ADCY8: variants seen among roughly 807,000 people sequenced by gnomAD.
The protein encoded by ADCY8 is adenylate cyclase type 8.
In ADCY8, 51 loss-of-function variants were observed where a neutral mutation model predicts 119.7. The observed-to-expected ratio is 0.43, with a 90% confidence interval of 0.34 to 0.54. The LOEUF is 0.54. ADCY8 is among the 20% of genes least tolerant of loss of function. The pLI, the probability that ADCY8 is intolerant of heterozygous loss-of-function variation, is 0.03. For missense variants in ADCY8, 1,383 were observed against 1,598.8 expected (o/e 0.87, Z 2.30); for synonymous variants, 665 against 651.0 (o/e 1.02, Z -0.33).
At chr8:130,910,306 T>C (rs1376291255) in intron 5 of ADCY8, among the ~76,000 whole-genome samples, 4 of 152,192 alleles carry the variant, frequency 2.6e-5, no homozygotes, top group Non-Finnish European at 5.9e-5. Context: ...ACCAGCATCT[T>C]TTTCTACCCA....
chr8:130,931,507 G>A (rs1191726725), intron 5 of ADCY8, among the ~76,000 whole-genome samples: 1 of 152,064 alleles, frequency 6.6e-6, no homozygotes. Flanking sequence ...AATGTTTCCT[G>A]CTACTATTTG....
At chr8:130,968,304 G>A (rs906523566) in intron 2 of ADCY8, among the ~76,000 whole-genome samples, 5 of 151,864 alleles carry the variant, frequency 3.3e-5, no homozygotes, top group African/African-American at 1.2e-4. Flanking sequence ...TGAGTAGCTG[G>A]GACTACAGGC....
chr8:130,947,445 A>G (rs1004237295), intron 3 of ADCY8, among the ~76,000 whole-genome samples: 2 of 152,228 alleles, frequency 1.3e-5, no homozygotes, highest in Admixed American at 1.3e-4. Flanking sequence ...TGAAGGGTAT[A>G]TAACCTCTTT....
chr8:130,937,231 T>G (rs1820815583), intron 4 of ADCY8, 31 bp from the exon 5 acceptor site: 4 of 1,602,428 alleles, frequency 2.5e-6, no homozygotes, highest in Non-Finnish European at 2.6e-6. Flanking sequence ...GGGAAAGGTC[T>G]ATGTCAGCAG....
intron 7 of ADCY8, among the ~76,000 whole-genome samples, chr8:130,900,496 A>G (rs932788845): frequency 3.9e-5 from 6 of 152,152 alleles, no homozygotes; most frequent in East Asian, 1.9e-4. Flanking sequence ...CCTCTTGCCA[A>G]TGATGTCCTT....
chr8:130,783,650 T>C, intron 17 of ADCY8, 41 bp downstream of exon 17: 3 of 1,484,758 alleles, frequency 2.0e-6, no homozygotes, highest in Non-Finnish European at 2.8e-6. Flanking sequence ...TGGAGCAAGG[T>C]CAGCTGGCTC....
At chr8:130,888,602 T>A (rs1819074368) in intron 7 of ADCY8, among the ~76,000 whole-genome samples, 1 of 152,054 alleles carries the variant, frequency 6.6e-6, no homozygotes, top group African/African-American at 2.4e-5. Context: ...TAGATCAAAG[T>A]GCAAATGAGA....
chr8:130,980,078 T>A (rs1345204673), intron 2 of ADCY8, among the ~76,000 whole-genome samples: 1 of 152,222 alleles, frequency 6.6e-6, no homozygotes, highest in African/African-American at 2.4e-5. Context: ...TCCTGGCTTC[T>A]TGTGGCTGCC....
intron 2 of ADCY8, among the ~76,000 whole-genome samples, chr8:130,961,335 C>A (rs1821597303): frequency 1.3e-5 from 2 of 151,984 alleles, no homozygotes; most frequent in Admixed American, 6.6e-5. Context: ...GTCTTGAACT[C>A]CTGACCTCAA....
intron 1 of ADCY8, among the ~76,000 whole-genome samples, chr8:131,013,077 T>C (rs1191254595): frequency 6.6e-6 from 1 of 152,222 alleles, no homozygotes; most frequent in African/African-American, 2.4e-5. Context: ...TGATAATGAC[T>C]ACCCATATAT....
intron 1 of ADCY8, among the ~76,000 whole-genome samples, chr8:130,998,228 G>A (rs1287740049): frequency 6.6e-6 from 1 of 152,128 alleles, no homozygotes; most frequent in Non-Finnish European, 1.5e-5. Context: ...AGCATAAGTA[G>A]GATGGAAAGT....
intron 13 of ADCY8, among the ~76,000 whole-genome samples, chr8:130,815,874 A>C (rs748550028): frequency 6.6e-6 from 1 of 152,228 alleles, no homozygotes; most frequent in Non-Finnish European, 1.5e-5. Flanking sequence ...CACATGGCAC[A>C]TAGTAGGCAC....
At chr8:130,805,167 C>A (rs898625944) in intron 14 of ADCY8, among the ~76,000 whole-genome samples, 2 of 152,142 alleles carry the variant, frequency 1.3e-5, no homozygotes, top group African/African-American at 4.8e-5. Context: ...ATGTGCCAAG[C>A]ACAATGCAAA....
At chr8:130,940,686 AC>A (rs1198332531) in intron 4 of ADCY8, among the ~76,000 whole-genome samples, 1 of 152,218 alleles carries the variant, frequency 6.6e-6, no homozygotes, top group African/African-American at 2.4e-5. Context: ...TGAAAAGATC[AC>A]ATAAAGGAAG....
At chr8:130,833,650 A>T (rs1380028054) in intron 12 of ADCY8, among the ~76,000 whole-genome samples, 2 of 152,196 alleles carry the variant, frequency 1.3e-5, no homozygotes, top group Non-Finnish European at 2.9e-5. Flanking sequence ...GAACTGTGGG[A>T]AATAAATTTC....
At chr8:130,805,713 C>G (rs562797889) in intron 14 of ADCY8, among the ~76,000 whole-genome samples, 1 of 152,186 alleles carries the variant, frequency 6.6e-6, no homozygotes, top group African/African-American at 2.4e-5. Context: ...TAAATGGGAA[C>G]CTTTAGCTCC....
At chr8:130,820,060 C>T (rs899754807) in intron 13 of ADCY8, among the ~76,000 whole-genome samples, 2 of 152,162 alleles carry the variant, frequency 1.3e-5, no homozygotes, top group African/African-American at 4.8e-5. Context: ...ATAATAACTT[C>T]CATTCCAGGT....
At chr8:130,989,510 G>T (rs973613995) in intron 2 of ADCY8, among the ~76,000 whole-genome samples, 1 of 152,014 alleles carries the variant, frequency 6.6e-6, no homozygotes, top group East Asian at 1.9e-4. Context: ...AAGAAAAAGG[G>T]CTTAGTTAAA....
chr8:131,039,604 A>G lies in ADCY8; in HGVS notation c.730T>C (p.Tyr244His). Reference sequence around the variant, plus strand: ...GCCACCCAGGTGACCACGCCGCTGTACTGCAGGTACGTGTGGGAGGTGGTG... The same window carrying G: ...GCCACCCAGGTGACCACGCCGCTGTGCTGCAGGTACGTGTGGGAGGTGGTG... ...KDTTSHTYLQ[Y>H]SGVVTWVAMT... is the part of the protein sequence containing the mutation. Residue 244 changes from tyrosine to histidine, a missense_variant, in exon 1 of 18, where the codon TAC becomes CAC. Around this residue, in one of 2 missense-constraint regions of ADCY8, gnomAD observed 455 missense variants for 435.3 expected, o/e 1.05. Transcript: ENST00000286355. 1.9e-6 allele frequency: 3 copies of G among 1,614,014 alleles called. No individual in the cohort carries two copies. In the Admixed American group the frequency reaches 5.0e-5, roughly 27 times the overall value.
Sources: allele counts gnomAD v4.1 joint callset (sites outside exome capture counted in the v4.1 genomes callset), GRCh38; gene constraint gnomAD v4.1.1; regional missense constraint gnomAD v4.1.1; transcripts MANE v1.5; gene names NCBI Gene and HGNC (gene_info 2026-07-23, HGNC 2026-07-21).